Variants in GPC5 observed in about 807,000 individuals in gnomAD.
GPC5 encodes glypican-5.
A neutral mutation model predicts 53.9 loss-of-function variants in GPC5; 47 were observed. That is an observed-to-expected ratio of 0.87 (90% CI 0.69 to 1.11). The LOEUF is 1.11. Ranked by LOEUF, GPC5 falls within the 50% of genes most tolerant of loss-of-function variation. GPC5 has a pLI of 0.00. For missense variants in GPC5, 748 were observed against 713.1 expected (o/e 1.05, Z -0.56); for synonymous variants, 286 against 263.3 (o/e 1.09, Z -0.84).
chr13:92,121,482 GT>G (rs1263425888), intron 6 of GPC5, among the ~76,000 whole-genome samples: 1 of 152,180 alleles, frequency 6.6e-6, no homozygotes, highest in African/African-American at 2.4e-5. Context: ...GAATACTTAG[GT>G]GATTTTATCC....
chr13:91,887,241 T>C (rs74663926), intron 5 of GPC5, among the ~76,000 whole-genome samples: 143 of 152,304 alleles, frequency 9.4e-4, no homozygotes, highest in Non-Finnish European at 1.8e-3. Context: ...GTTTGAGCTG[T>C]ACCCTGGTGT....
chr13:92,635,226 A>C (rs953610014), intron 7 of GPC5, among the ~76,000 whole-genome samples: 13 of 152,074 alleles, frequency 8.5e-5, no homozygotes, highest in African/African-American at 3.1e-4. Flanking sequence ...CGTTCTTTTG[A>C]TATTTCGTAA....
At chr13:91,697,421 A>G (rs944362867) in intron 3 of GPC5, among the ~76,000 whole-genome samples, 10 of 152,140 alleles carry the variant, frequency 6.6e-5, no homozygotes, top group Non-Finnish European at 1.3e-4. Context: ...GATTACAGGC[A>G]TGAGCCACCA....
At chr13:92,823,090 G>A (rs1167623728) in intron 7 of GPC5, among the ~76,000 whole-genome samples, 1 of 152,016 alleles carries the variant, frequency 6.6e-6, no homozygotes, top group Non-Finnish European at 1.5e-5. Flanking sequence ...ATGACCTCCA[G>A]GTGGAAATAA....
chr13:91,544,764 C>G (rs534725200), intron 2 of GPC5, among the ~76,000 whole-genome samples: 7 of 152,278 alleles, frequency 4.6e-5, no homozygotes, highest in African/African-American at 1.7e-4. Flanking sequence ...CAGCTAAAAA[C>G]AAGAAGTTTT....
At chr13:92,236,047 T>C (rs2042567307) in intron 7 of GPC5, among the ~76,000 whole-genome samples, 1 of 152,114 alleles carries the variant, frequency 6.6e-6, no homozygotes, top group Non-Finnish European at 1.5e-5. Context: ...AGTCTGATCC[T>C]TGTATGACCT....
intron 7 of GPC5, among the ~76,000 whole-genome samples, chr13:92,610,213 A>G (rs552309454): frequency 6.6e-6 from 1 of 152,134 alleles, no homozygotes; most frequent in Non-Finnish European, 1.5e-5. Flanking sequence ...TGGATATTTG[A>G]TTATCTAGAG....
chr13:91,732,233 G>A (rs759336423), intron 4 of GPC5, among the ~76,000 whole-genome samples: 2 of 152,146 alleles, frequency 1.3e-5, no homozygotes, highest in Admixed American at 1.3e-4. Context: ...ATTCTGACTG[G>A]CGTGAGATAG....
chr13:92,403,819 T>G (rs1158254746), intron 7 of GPC5, among the ~76,000 whole-genome samples: 1 of 152,204 alleles, frequency 6.6e-6, no homozygotes, highest in Non-Finnish European at 1.5e-5. Context: ...TCCTTATTGC[T>G]GATTTTACAT....
At chr13:92,466,173 T>A (rs1878683216) in intron 7 of GPC5, among the ~76,000 whole-genome samples, 1 of 109,208 alleles carries the variant, frequency 9.2e-6, no homozygotes, top group Non-Finnish European at 1.8e-5. Flanking sequence ...TAAATACGTA[T>A]TATTTGTTAA....
intron 6 of GPC5, among the ~76,000 whole-genome samples, chr13:91,996,872 G>C (rs1372766700): frequency 6.6e-6 from 1 of 152,110 alleles, no homozygotes; most frequent in Non-Finnish European, 1.5e-5. Context: ...GTTGTAGTAT[G>C]TAGCAATTGT....
intron 7 of GPC5, among the ~76,000 whole-genome samples, chr13:92,744,354 C>T (rs925685524): frequency 6.6e-6 from 1 of 151,820 alleles, no homozygotes. Flanking sequence ...TGTTTATAAC[C>T]ATTCAATAGA....
chr13:92,787,392 C>T (rs1265088868), intron 7 of GPC5, among the ~76,000 whole-genome samples: 1 of 151,486 alleles, frequency 6.6e-6, no homozygotes, highest in Non-Finnish European at 1.5e-5. Context: ...AGAAAAATAT[C>T]CCTCAGAAAA....
At chr13:91,501,246 T>G (rs111519465) in intron 2 of GPC5, among the ~76,000 whole-genome samples, 4 of 149,590 alleles carry the variant, frequency 2.7e-5, no homozygotes, top group African/African-American at 1.0e-4. Context: ...CTTTGTTTTT[T>G]TTTTTTTTTT....
Position 92,087,298 on chromosome 13 carries a change from A to G in GPC5, c.1402-57532A>G, listed in dbSNP as rs141218068. On this transcript the variant is annotated intron_variant, in intron 6 of 7. Coordinates refer to ENST00000377067, the MANE Select transcript of GPC5 (RefSeq NM_004466.6). ...CCTTCTATCACACTGGATTCTTTACATAGTTTCTTCCACAATACTGTAAAC... is the reference window on the plus strand; with the variant it reads ...CCTTCTATCACACTGGATTCTTTACGTAGTTTCTTCCACAATACTGTAAAC... Among the ~76,000 whole-genome samples the G allele has an allele frequency of 8.7e-3, 1,324 of 152,266 alleles. 26 individuals carry two copies. The highest frequency in any genetic ancestry group is 0.03 in the African/African-American group (1,257 of 41,546).
rs79868206 is a variant in GPC5 at position 91,723,560 on chromosome 13, C to T, written c.1021-4972C>T. On this transcript the variant is annotated intron_variant, in intron 3 of 7. Transcript: ENST00000377067. The stretch of plus-strand genomic sequence containing the variant: ...TCAGTGTCTGGCTCTTTAATCATCC[C>T]GATTACTAGGTTTAAAACCACCAAG... Among the ~76,000 whole-genome samples, 44 of 151,950 alleles carry T rather than the reference C, an allele frequency of 2.9e-4. No homozygotes were observed. In the South Asian group the frequency reaches 7.9e-3, roughly 27 times the overall value.
Position 91,713,642 on chromosome 13 carries a change from C to T in GPC5, c.1021-14890C>T, listed in dbSNP as rs184815622. On this transcript the variant is annotated intron_variant, in intron 3 of 7. Transcript: ENST00000377067. Reference sequence around the variant, plus strand: ...CAAGAAATCTCTGAGCACCAGCTTTCTACTTGACACTTTCTCTCAGAATGT... The same window carrying T: ...CAAGAAATCTCTGAGCACCAGCTTTTTACTTGACACTTTCTCTCAGAATGT... Among the ~76,000 whole-genome samples the T allele has an allele frequency of 1.1e-3, 161 of 152,270 alleles. 1 individual carries two copies. The highest frequency in any genetic ancestry group is 1.7e-3 in the Non-Finnish European group (119 of 68,022).
In GPC5 at chr13:91,693,799, G is replaced by A. The variant is rs2139816180; in HGVS notation, c.938G>A (p.Gly313Glu). 1.2e-6 allele frequency: 2 copies of A among 1,613,834 alleles called. No homozygotes were observed. Among genetic ancestry groups the A allele is most frequent in the Admixed American group, 1.7e-5 (1 of 60,026 alleles). ...GCAATGCATGGAACATACGACATTGGACACGTGCTGCTGAACTTTCACTTG... is the reference window on the plus strand; with the variant it reads ...GCAATGCATGGAACATACGACATTGAACACGTGCTGCTGAACTTTCACTTG... ...SDAMHGTYDI[G>E]HVLLNFHLLV... is the part of the protein sequence containing the mutation. Residue 313 changes from glycine to glutamate, a missense_variant, in exon 3 of 8, where the codon GGA becomes GAA. Coordinates refer to ENST00000377067, the MANE Select transcript of GPC5 (RefSeq NM_004466.6).
intron 5 of GPC5, among the ~76,000 whole-genome samples, chr13:91,801,253 TTGTGTG>T (rs71113762): frequency 0.28 from 40,257 of 146,268 alleles, 6,011 homozygotes; most frequent in African/African-American, 0.39. Flanking sequence ...CATCCATACT[TTGTGTG>T]TGTGTGTGTG....
Sources: gnomAD v4.1 joint callset for allele counts (sites outside exome capture counted in the v4.1 genomes callset) on GRCh38, gnomAD v4.1.1 for gene constraint, MANE v1.5 for transcripts, NCBI Gene and HGNC (gene_info 2026-07-23, HGNC 2026-07-21) for gene names.